Variants in TSNAXIP1 observed in about 807,000 individuals in gnomAD.
The protein encoded by TSNAXIP1 is translin associated factor X interacting protein 1.
In TSNAXIP1, 89 loss-of-function variants were observed where a neutral mutation model predicts 84.8. The ratio of observed to expected loss-of-function variants is 1.05; its 90% CI spans 0.88 to 1.25. The LOEUF (loss-of-function observed/expected upper bound fraction) is 1.25, where lower values mean the gene tolerates loss of function less well. Among genes scored for constraint, TSNAXIP1 ranks in the 50% most tolerant of loss-of-function variants. TSNAXIP1 has a pLI of 0.00. For missense variants in TSNAXIP1, 874 were observed against 887.6 expected (o/e 0.98, Z 0.20); for synonymous variants, 347 against 335.2 (o/e 1.04, Z -0.39).
chr16:67,807,611 T>C (rs2055570301), intron 1 of TSNAXIP1: 1 of 313,950 alleles, frequency 3.2e-6, no homozygotes, highest in South Asian at 2.5e-5. Flanking sequence ...ACTACAGGCA[T>C]GCGCCACTAC....
Position 67,826,282 on chromosome 16 carries a change from G to T in TSNAXIP1, c.1275G>T (p.Leu425=). The T allele has an allele frequency of 1.3e-6, 2 of 1,577,574 alleles. No individual in the cohort carries two copies. The highest frequency in any genetic ancestry group is 1.7e-6 in the Non-Finnish European group (2 of 1,160,112). The change falls in exon 10 of 16, where the codon CTG becomes CTT. Residue 425 remains leucine, a splice_region_variant and synonymous_variant. Coordinates refer to ENST00000561639, the MANE Select transcript of TSNAXIP1 (RefSeq NM_001288990.3). ...LLREKDFFPG[L]GYGEAIPAFL... ...GGGAGAAAGACTTCTTCCCTGGTCT[G>T]GTAGGGGAGGCCCCAGGAGTGGGGC...
chr16:67,807,730 A>G (rs1397318060), intron 1 of TSNAXIP1: 1 of 210,798 alleles, frequency 4.7e-6, no homozygotes, highest in Non-Finnish European at 9.9e-6. Context: ...CGACCCTCCC[A>G]CTTCGACCTC....
At chr16:67,811,876 C>T (rs1374373882) in intron 1 of TSNAXIP1, among the ~76,000 whole-genome samples, 2 of 152,190 alleles carry the variant, frequency 1.3e-5, no homozygotes, top group East Asian at 3.9e-4. Flanking sequence ...TTCTCCTCAC[C>T]GACTGCTTAA....
intron 5 of TSNAXIP1, 36 bp downstream of exon 5, chr16:67,823,755 C>T (rs760213567): frequency 1.7e-5 from 26 of 1,572,278 alleles, no homozygotes; most frequent in South Asian, 1.4e-4. Flanking sequence ...TAGTGGCTCA[C>T]GCCTGTAATC....
In TSNAXIP1 at chr16:67,806,925, CG is replaced by C. The variant is rs1332112639; in HGVS notation, c.-223del. On this transcript the variant is annotated 5_prime_UTR_variant, in exon 1 of 16. Transcript: ENST00000561639. ...TCAGTTCTGGTACCTGGGGTCAAAT[CG>C]GCTGTAGTGGTTGACTCTCAGGGCA... The C allele has an allele frequency of 5.7e-5, 37 of 647,228 alleles. No individual in the cohort carries two copies. Among genetic ancestry groups the C allele is most frequent in the Non-Finnish European group, 8.4e-5 (32 of 381,504 alleles). 40.1% of individuals were successfully genotyped at this position (647,228 alleles called of 1,614,324 possible).
In TSNAXIP1 at chr16:67,827,691, C is replaced by T. The variant is rs887763687; in HGVS notation, c.1899-62C>T. 5 of 1,610,846 alleles carry T rather than the reference C, an allele frequency of 3.1e-6. No individual in the cohort carries two copies. The Admixed American group carries it at 8.3e-5, about 27-fold the overall frequency. ...CTCAGCCCAGCACAGAGGAGGGCAC[C>T]TGGGAGTCTGGGGCACGGAGAGGAG... On this transcript the variant is annotated intron_variant, in intron 15 of 15. Coordinates refer to ENST00000561639, the MANE Select transcript of TSNAXIP1 (RefSeq NM_001288990.3).
chr16:67,827,339 T>C lies in TSNAXIP1; in HGVS notation c.1755T>C (p.Asn585=), dbSNP rs766545431. 5.6e-6 allele frequency: 9 copies of C among 1,614,036 alleles called. No homozygotes were observed. The highest frequency in any genetic ancestry group is 2.2e-5 in the East Asian group (1 of 44,886). ...GGGGCTGGCATCCCAGCAGCAGCAA[T>C]GCAGACTTGCTCAACTACCGCTCAC... The part of the protein sequence containing the change: ...EAGGWHPSSS[N]ADLLNYRSLF... The change falls in exon 14 of 16, where the codon AAT becomes AAC. Residue 585 remains asparagine, a synonymous_variant. Transcript: ENST00000561639.
In TSNAXIP1 at chr16:67,820,945, G is replaced by T. The variant is rs199807267; in HGVS notation, c.254G>T (p.Arg85Leu). ...CCCTGTTCAGATGACTACCGGAAGC[G>T]AGTAGGGTAAGCCAGGGTCAGTCCC... ...RKPCSDDYRK[R>L]VGSCQQHPFR... Residue 85 changes from arginine (R) to leucine (L), a missense_variant, in exon 3 of 16, where the codon CGA becomes CTA. Coordinates refer to ENST00000561639, the MANE Select transcript of TSNAXIP1 (RefSeq NM_001288990.3). The T allele has an allele frequency of 2.5e-6, 4 of 1,599,046 alleles. No individual in the cohort carries two copies. The Admixed American group carries it at 5.2e-5, about 21-fold the overall frequency.
chr16:67,824,527 TCTGG>T, intron 5 of TSNAXIP1, 52 bp from the exon 6 acceptor site: 2 of 1,569,390 alleles, frequency 1.3e-6, no homozygotes, highest in Non-Finnish European at 1.7e-6. Flanking sequence ...TAGGGTGTCT[TCTGG>T]CTGTTTGTTC....
chr16:67,823,783 C>T (rs537035225), intron 5 of TSNAXIP1, 64 bp downstream of exon 5: 43 of 1,408,890 alleles, frequency 3.1e-5, no homozygotes, highest in East Asian at 1.6e-4. Context: ...TTTAGGAGGC[C>T]GAGGCGGTAG....
Position 67,825,003 on chromosome 16 carries a change from T to C in TSNAXIP1, c.679-134T>C, listed in dbSNP as rs995765440. The C allele has an allele frequency of 5.4e-6, 7 of 1,307,722 alleles. No individual in the cohort carries two copies. In the Admixed American group the frequency reaches 1.5e-4, roughly 29 times the overall value. 81.0% of individuals were successfully genotyped at this position (1,307,722 alleles called of 1,614,324 possible). On this transcript the variant is annotated intron_variant, in intron 6 of 15. Transcript: ENST00000561639. ...TTGCCGAATTCTCAGAAATGGCCAA[T>C]CTCCTTCTTCTTTCACCTTTCCTGT...
intron 2 of TSNAXIP1, among the ~76,000 whole-genome samples, chr16:67,820,231 A>ACAGGC (rs2056933518): frequency 6.6e-6 from 1 of 152,006 alleles, no homozygotes; most frequent in African/African-American, 2.4e-5. Context: ...GCTGGGAATT[A>ACAGGC]CAGGCGTGAG....
Position 67,825,178 on chromosome 16 carries a change from C to T in TSNAXIP1, c.720C>T (p.His240=). The T allele has an allele frequency of 6.2e-7, 1 of 1,614,210 alleles. No individual in the cohort carries two copies. Among genetic ancestry groups the T allele is most frequent in the Non-Finnish European group, 8.5e-7 (1 of 1,180,036 alleles). The change falls in exon 7 of 16, where the codon CAC becomes CAT. Residue 240 remains histidine, a synonymous_variant. Coordinates refer to ENST00000561639, the MANE Select transcript of TSNAXIP1 (RefSeq NM_001288990.3). The part of the protein sequence containing the change: ...LRKNLAEEYL[H]YLSERDACKI... The stretch of plus-strand genomic sequence containing the variant: ...AGAACTTGGCTGAGGAGTACCTGCA[C>T]TACCTCAGTGAGCGAGATGCCTGTA...
At chr16:67,817,146 TTTTTTTG>T (rs1244888660) in intron 2 of TSNAXIP1, among the ~76,000 whole-genome samples, 2 of 150,980 alleles carry the variant, frequency 1.3e-5, no homozygotes, top group Non-Finnish European at 3.0e-5. Context: ...TTTGCGGTTT[TTTTTTTG>T]TTTTTTGTTT....
At chr16:67,821,258 G>A in intron 4 of TSNAXIP1, 33 bp downstream of exon 4, 1 of 1,504,198 alleles carries the variant, frequency 6.6e-7, no homozygotes, top group Non-Finnish European at 9.1e-7. Context: ...GGGGAGGGCG[G>A]GGGAAGGGTG....
chr16:67,813,323 G>A (rs1763338280), intron 1 of TSNAXIP1, among the ~76,000 whole-genome samples: 1 of 151,884 alleles, frequency 6.6e-6, no homozygotes, highest in South Asian at 2.1e-4. Context: ...GGAGGTGAAG[G>A]TTGCAGTGAG....
At chr16:67,823,310 C>T (rs1026399854) in intron 4 of TSNAXIP1, among the ~76,000 whole-genome samples, 2 of 152,062 alleles carry the variant, frequency 1.3e-5, no homozygotes, top group Non-Finnish European at 2.9e-5. Flanking sequence ...TCTGGGAGGC[C>T]GAGGTGGGTG....
At chr16:67,818,014 G>A (rs1412481085) in intron 2 of TSNAXIP1, among the ~76,000 whole-genome samples, 2 of 151,956 alleles carry the variant, frequency 1.3e-5, no homozygotes, top group Admixed American at 1.3e-4. Context: ...TTCAAGACCA[G>A]CCTGGCCAAC....
rs374186769 is a variant in TSNAXIP1 at position 67,827,485 on chromosome 16, C to T, written c.1804C>T (p.Gln602Ter). ...RSLFMEDEEG[Q>*]SEPFVQKLWE... Reference sequence around the variant, plus strand: ...TGGCCCCTCCCAGGATGAGGAGGGCCAGAGTGAGCCCTTTGTGCAAAAACT... The same window carrying T: ...TGGCCCCTCCCAGGATGAGGAGGGCTAGAGTGAGCCCTTTGTGCAAAAACT... Residue 602 changes from glutamine to a stop codon, truncating the protein, a stop_gained, in exon 15 of 16, where the codon CAG becomes TAG. Transcript: ENST00000561639. LOFTEE classifies it high-confidence loss of function. The T allele has an allele frequency of 5.6e-6, 9 of 1,614,170 alleles. No homozygotes were observed. Among genetic ancestry groups the T allele is most frequent in the South Asian group, 1.1e-5 (1 of 91,074 alleles).
Sources: allele counts gnomAD v4.1 joint callset (sites outside exome capture counted in the v4.1 genomes callset), GRCh38; gene constraint gnomAD v4.1.1; transcripts MANE v1.5; gene names NCBI Gene and HGNC (gene_info 2026-07-23, HGNC 2026-07-21).